ABLIM3: variants seen among roughly 807,000 people sequenced by gnomAD.
The protein encoded by ABLIM3 is actin binding LIM protein family member 3, also known as actin-binding LIM protein 3.
Under a neutral mutation model 109.5 loss-of-function variants are expected in ABLIM3, and 61 were observed. That is an observed-to-expected ratio of 0.56 (90% CI 0.45 to 0.69). The LOEUF (loss-of-function observed/expected upper bound fraction) is 0.69. Among genes scored for constraint, ABLIM3 ranks in the 30% least tolerant of loss-of-function variants. The pLI, the probability that ABLIM3 is intolerant of heterozygous loss-of-function variation, is 0.00. For synonymous variants in ABLIM3, 300 were observed against 324.8 expected (o/e 0.92, Z 0.82); for missense variants, 796 against 889.5 (o/e 0.89, Z 1.34).
At chr5:149,223,182 T>A (rs185887676) in intron 8 of ABLIM3, among the ~76,000 whole-genome samples, 6 of 152,300 alleles carry the variant, frequency 3.9e-5, no homozygotes, top group Admixed American at 1.3e-4. Flanking sequence ...TAGAAAGTAT[T>A]ACAGTGTAGT....
chr5:149,234,262 A>G (rs1762139093), intron 10 of ABLIM3, among the ~76,000 whole-genome samples: 1 of 152,236 alleles, frequency 6.6e-6, no homozygotes, highest in Non-Finnish European at 1.5e-5. Context: ...AGGAGGTGGG[A>G]AACGCAGAGC....
In ABLIM3 at chr5:149,257,299, C is replaced by CAA. The variant is rs11458045; in HGVS notation, c.1939-978_1939-977dup. ...TGGGTGACAAAGCAAAACTCTGTCT[C>CAA]AAAAAAAAAAAAAAATAGTTCACAG... On this transcript the variant is annotated intron_variant, in intron 23 of 23. Coordinates refer to ENST00000309868, the MANE Select transcript of ABLIM3 (RefSeq NM_014945.5). 1.2e-3 allele frequency among the ~76,000 whole-genome samples: 159 copies of CAA among 136,288 alleles called. 3 individuals are homozygous for CAA. Among genetic ancestry groups the CAA allele is most frequent in the South Asian group, 0.01 (43 of 4,292 alleles). 89.4% of individuals were successfully genotyped at this position (136,288 alleles called of 152,430 possible).
intron 7 of ABLIM3, among the ~76,000 whole-genome samples, chr5:149,211,171 A>ATTTAT (rs565539955): frequency 1.4e-3 from 215 of 149,564 alleles, no homozygotes; most frequent in Middle Eastern, 3.4e-3. Flanking sequence ...TATTTATTTA[A>ATTTAT]TTATTTATTT....
chr5:149,251,967 C>T (rs1196776432), intron 21 of ABLIM3, among the ~76,000 whole-genome samples: 1 of 151,984 alleles, frequency 6.6e-6, no homozygotes. Context: ...GCCATTTTTT[C>T]CTTAGAACCA....
At chr5:149,165,679 A>G (rs1307520824) in intron 2 of ABLIM3, among the ~76,000 whole-genome samples, 1 of 152,114 alleles carries the variant, frequency 6.6e-6, no homozygotes, top group African/African-American at 2.4e-5. Context: ...AGTCATGTCT[A>G]CTGCACCTCC....
At chr5:149,184,820 GA>G (rs1369633033) in intron 3 of ABLIM3, among the ~76,000 whole-genome samples, 1 of 152,128 alleles carries the variant, frequency 6.6e-6, no homozygotes, top group Non-Finnish European at 1.5e-5. Flanking sequence ...TGAAAATCCT[GA>G]ACTTCTTTCT....
At chr5:149,216,824 G>T in intron 7 of ABLIM3, 135 bp from the exon 8 acceptor site, 1 of 725,608 alleles carries the variant, frequency 1.4e-6, no homozygotes, top group Non-Finnish European at 2.4e-6. Context: ...GGACTCCCTT[G>T]GGTAGCTCCA....
At position 149,233,568 on chromosome 5, in the gene ABLIM3, G is replaced by A. The variant is rs1427700927; in HGVS notation, c.888+268G>A. ...TGGAGCACGAGAAAGAAAGTACAAT[G>A]ACAGCAAGAGCCCTTGCTGAGTTCT... is the stretch of plus-strand genomic sequence containing the variant. On this transcript the variant is annotated intron_variant, in intron 10 of 23. Coordinates refer to ENST00000309868, the MANE Select transcript of ABLIM3 (RefSeq NM_014945.5). 2.0e-5 allele frequency among the ~76,000 whole-genome samples: 3 copies of A among 152,188 alleles called. No individual in the cohort carries two copies. The East Asian group carries it at 5.8e-4, about 29-fold the overall frequency.
At chr5:149,168,386 A>G (rs899412629) in intron 2 of ABLIM3, among the ~76,000 whole-genome samples, 1 of 152,222 alleles carries the variant, frequency 6.6e-6, no homozygotes, top group Non-Finnish European at 1.5e-5. Flanking sequence ...TTTGGTTTGC[A>G]CAAGTGACAC....
At chr5:149,205,099 A>G (rs1233806477) in intron 5 of ABLIM3, among the ~76,000 whole-genome samples, 1 of 152,252 alleles carries the variant, frequency 6.6e-6, no homozygotes, top group African/African-American at 2.4e-5. Context: ...GTAAGGAATA[A>G]AGAAGAGAGA....
chr5:149,239,627 G>A (rs1581214677), intron 12 of ABLIM3, 132 bp from the exon 13 acceptor site: 2 of 401,206 alleles, frequency 5.0e-6, no homozygotes, highest in East Asian at 1.3e-4. Flanking sequence ...TCAGGGAGGA[G>A]GGGGGTCTCT....
chr5:149,239,952 T>G, intron 13 of ABLIM3, 64 bp downstream of exon 13: 1 of 1,537,030 alleles, frequency 6.5e-7, no homozygotes, highest in Non-Finnish European at 8.7e-7. Flanking sequence ...TCACTTGGGG[T>G]CCCTGCTGCA....
At chr5:149,204,453 A>T (rs973946119) in intron 5 of ABLIM3, among the ~76,000 whole-genome samples, 6 of 152,230 alleles carry the variant, frequency 3.9e-5, no homozygotes, top group African/African-American at 1.4e-4. Flanking sequence ...AATAAATAAG[A>T]AGCTGATATA....
At chr5:149,248,289 T>G (rs1399931049) in intron 18 of ABLIM3, among the ~76,000 whole-genome samples, 1 of 152,104 alleles carries the variant, frequency 6.6e-6, no homozygotes, top group Non-Finnish European at 1.5e-5. Flanking sequence ...GAATACAGAT[T>G]TGGAAAGGCG....
intron 6 of ABLIM3, among the ~76,000 whole-genome samples, chr5:149,209,599 G>T (rs756330783): frequency 2.6e-5 from 4 of 152,192 alleles, no homozygotes; most frequent in Non-Finnish European, 5.9e-5. Flanking sequence ...GATTGTGTTG[G>T]CATTTATACT....
At chr5:149,218,569 C>T (rs2963498) in intron 8 of ABLIM3, 66,310 of 152,204 alleles carry the variant, frequency 0.44, 14,679 homozygotes, top group East Asian at 0.59. Flanking sequence ...GTGGCCAGGG[C>T]GCAGACAGAA....
At chr5:149,229,454 T>C (rs1761626250) in intron 8 of ABLIM3, among the ~76,000 whole-genome samples, 1 of 152,198 alleles carries the variant, frequency 6.6e-6, no homozygotes, top group Admixed American at 6.5e-5. Flanking sequence ...AGAGAGAGGA[T>C]GTGTTAGGGG....
At chr5:149,141,773 G>A in intron 1 of ABLIM3, 119 bp downstream of exon 1, 1 of 413,248 alleles carries the variant, frequency 2.4e-6, no homozygotes. Context: ...GGAATAGTCC[G>A]GGGTGCGCGC....
chr5:149,166,324 C>A (rs1754822489), intron 2 of ABLIM3, among the ~76,000 whole-genome samples: 3 of 152,208 alleles, frequency 2.0e-5, no homozygotes, highest in Non-Finnish European at 2.9e-5. Flanking sequence ...ATCTGACTCT[C>A]AAAGGTCTGA....
Sources: gnomAD v4.1 joint callset for allele counts (sites outside exome capture counted in the v4.1 genomes callset) on GRCh38, gnomAD v4.1.1 for gene constraint, MANE v1.5 for transcripts, NCBI Gene and HGNC (gene_info 2026-07-23, HGNC 2026-07-21) for gene names.